Variants in SPTBN1 observed in about 807,000 individuals in gnomAD.
The protein encoded by SPTBN1 is spectrin beta, non-erythrocytic 1.
In SPTBN1, 32 loss-of-function variants were observed where a neutral mutation model predicts 266.4. The observed-to-expected ratio is 0.12, with a 90% CI of 0.09 to 0.16. The LOEUF is 0.16. Among genes scored for constraint, SPTBN1 ranks in the 10% least tolerant of loss-of-function variants. The probability of loss-of-function intolerance (pLI) is 1.00; values close to 1 mark genes in which losing one functional copy is unlikely to be tolerated. For synonymous variants in SPTBN1, 1,336 were observed against 1,162.2 expected, an observed-to-expected ratio of 1.15 and a Z score of -3.04; for missense variants, 2,296 against 3,067.1, an observed-to-expected ratio of 0.75 and a Z score of 5.94.
At position 54,465,867 on chromosome 2, in the gene SPTBN1, A is replaced by C. The variant is rs915160667; in HGVS notation, c.-48+9349A>C. Among the ~76,000 whole-genome samples, 5 of 152,142 alleles carry C rather than the reference A, an allele frequency of 3.3e-5. 2 individuals are homozygous for C. The highest frequency in any genetic ancestry group is 3.3e-4 in the Admixed American group (5 of 15,266). On this transcript the variant is annotated intron_variant, in intron 1 of 35. Coordinates refer to ENST00000356805, the MANE Select transcript of SPTBN1 (RefSeq NM_003128.3). Reference sequence around the variant, plus strand: ...ATAGTACTTTCTATTTTATGGTCCAAGTCTCTAAGTGTGTTGGTACTTTGT... The same window carrying C: ...ATAGTACTTTCTATTTTATGGTCCACGTCTCTAAGTGTGTTGGTACTTTGT...
Position 54,621,503 on chromosome 2 carries a change from A to G in SPTBN1, c.867A>G (p.Arg289=). 6.2e-7 allele frequency: 1 copy of G among 1,613,970 alleles called. No homozygotes were observed. The highest frequency in any genetic ancestry group is 1.1e-5 in the South Asian group (1 of 91,084). The change falls in exon 8 of 36, where the codon CGA becomes CGG. Residue 289 remains arginine, a synonymous_variant. Transcript: ENST00000356805. The part of the protein sequence containing the change: ...KMKALAVEGK[R]IGKVLDNAIE... ...AGGCCTTAGCTGTTGAAGGAAAACG[A>G]ATTGGAAAGGTGAGCTGGTGCCAAT...
intron 4 of SPTBN1, among the ~76,000 whole-genome samples, chr2:54,613,117 C>T (rs1052515773): frequency 2.0e-5 from 3 of 152,200 alleles, no homozygotes; most frequent in Non-Finnish European, 2.9e-5. Context: ...TGCACCACCA[C>T]GAGCCTGATT....
At chr2:54,652,230 G>A (rs1680348583) in intron 26 of SPTBN1, among the ~76,000 whole-genome samples, 1 of 152,092 alleles carries the variant, frequency 6.6e-6, no homozygotes, top group African/African-American at 2.4e-5. Flanking sequence ...GCATGTAAGA[G>A]GAGAAAATTT....
intron 1 of SPTBN1, among the ~76,000 whole-genome samples, chr2:54,519,674 T>A (rs6545424): frequency 0.5 from 75,685 of 152,058 alleles, 21,783 homozygotes; most frequent in African/African-American, 0.81. Flanking sequence ...TTGGGAGCCA[T>A]TTGGTAGATT....
At chr2:54,636,527 C>T (rs750757412) in intron 17 of SPTBN1, among the ~76,000 whole-genome samples, 1 of 152,214 alleles carries the variant, frequency 6.6e-6, no homozygotes, top group Non-Finnish European at 1.5e-5. Context: ...CCGTGTGGTG[C>T]ATGCATCTCT....
chr2:54,571,126 T>G (rs1215837530), intron 2 of SPTBN1, among the ~76,000 whole-genome samples: 1 of 151,798 alleles, frequency 6.6e-6, no homozygotes, highest in African/African-American at 2.4e-5. Flanking sequence ...TGAAGAGTGG[T>G]GGGGGTGGTC....
intron 3 of SPTBN1, among the ~76,000 whole-genome samples, chr2:54,601,494 A>C (rs1676496165): frequency 6.6e-6 from 1 of 152,118 alleles, no homozygotes; most frequent in African/African-American, 2.4e-5. Context: ...GCTTGCCCCA[A>C]AGGTTCCTTG....
At chr2:54,614,198 A>T (rs1268866974) in intron 4 of SPTBN1, among the ~76,000 whole-genome samples, 3 of 152,178 alleles carry the variant, frequency 2.0e-5, no homozygotes, top group Non-Finnish European at 4.4e-5. Context: ...TTATTAAAAC[A>T]TTACCTATTC....
chr2:54,640,276 C>G (rs933750142), intron 18 of SPTBN1, among the ~76,000 whole-genome samples: 1 of 152,066 alleles, frequency 6.6e-6, no homozygotes, highest in African/African-American at 2.4e-5. Context: ...AAATTTAATA[C>G]TATTACAGGA....
chr2:54,557,720 C>A (rs1573406871), intron 2 of SPTBN1: 3 of 985,388 alleles, frequency 3.0e-6, no homozygotes, highest in Non-Finnish European at 3.6e-6. Context: ...CATAAATCTT[C>A]CTTGCGTCGA....
chr2:54,550,142 T>G (rs1413845090), intron 2 of SPTBN1, among the ~76,000 whole-genome samples: 2 of 152,196 alleles, frequency 1.3e-5, no homozygotes, highest in Non-Finnish European at 2.9e-5. Flanking sequence ...TGTTTTATGG[T>G]GTCTGTAAAG....
At chr2:54,580,315 T>A (rs3796017) in intron 2 of SPTBN1, among the ~76,000 whole-genome samples, 51,645 of 152,086 alleles carry the variant, frequency 0.34, 11,267 homozygotes, top group African/African-American at 0.63. Context: ...AGAACTAACA[T>A]ATGTAGAACT....
Position 54,554,306 on chromosome 2 carries a change from G to T in SPTBN1, c.148+27740G>T, listed in dbSNP as rs1253780835. On this transcript the variant is annotated intron_variant, in intron 2 of 35. Transcript: ENST00000356805. This position sits in a 1 kb window ranked among gnomAD's most constrained non-coding sequence, Gnocchi z 4.5. ...CATGTGTTGGTTGTGCCACTCACCA[G>T]CTGGGGCCCTGGGCAAGGCACTGTA... 6.6e-6 allele frequency among the ~76,000 whole-genome samples: 1 copy of T among 152,236 alleles called. No individual in the cohort carries two copies. The highest frequency in any genetic ancestry group is 1.5e-5 in the Non-Finnish European group (1 of 68,044).
chr2:54,566,332 C>T (rs146276590), intron 2 of SPTBN1, among the ~76,000 whole-genome samples: 5,491 of 151,642 alleles, frequency 0.036, 322 homozygotes, highest in African/African-American at 0.12. Context: ...GGATTATAGG[C>T]GCCCACCACC....
At chr2:54,517,750 A>C (rs1386004459) in intron 1 of SPTBN1, among the ~76,000 whole-genome samples, 1 of 151,830 alleles carries the variant, frequency 6.6e-6, no homozygotes. Flanking sequence ...GGTTCAAGCA[A>C]TTCTGCTGTC....
At chr2:54,478,253 T>G (rs1030769372) in intron 1 of SPTBN1, among the ~76,000 whole-genome samples, 4 of 152,032 alleles carry the variant, frequency 2.6e-5, no homozygotes, top group Admixed American at 1.3e-4. Flanking sequence ...AGAACGCTCG[T>G]GTTTCATGCC....
In SPTBN1 at chr2:54,629,750, C is replaced by T. The variant is rs778526430; in HGVS notation, c.2616C>T (p.Leu872=). The T allele has an allele frequency of 6.2e-7, 1 of 1,611,272 alleles. No homozygotes were observed. Among genetic ancestry groups the T allele is most frequent in the East Asian group, 2.2e-5 (1 of 44,882 alleles). The stretch of plus-strand genomic sequence containing the variant: ...GGATCGACGAGAAGGAGCAGTGGCT[C>T]AACAACATGCAGATCCCAGAGAAGC... ...ELWIDEKEQW[L]NNMQIPEKLE... The change falls in exon 14 of 36, where the codon CTC becomes CTT. Residue 872 remains leucine (L), a synonymous_variant. Coordinates refer to ENST00000356805, the MANE Select transcript of SPTBN1 (RefSeq NM_003128.3).
rs141428263 is a variant in SPTBN1 at position 54,500,093 on chromosome 2, G to A, written c.-47-26279G>A. Reference sequence around the variant, plus strand: ...CTGTGATCTGTAATCTACTAAAAGTGAGAGAATGAACAAATGTTTTAGGCG... The same window carrying A: ...CTGTGATCTGTAATCTACTAAAAGTAAGAGAATGAACAAATGTTTTAGGCG... On this transcript the variant is annotated intron_variant, in intron 1 of 35. Transcript: ENST00000356805. Among the ~76,000 whole-genome samples the A allele has an allele frequency of 2.5e-3, 375 of 152,312 alleles. 2 individuals carry two copies. Among genetic ancestry groups the A allele is most frequent in the African/African-American group, 8.5e-3 (354 of 41,554 alleles).
intron 2 of SPTBN1, among the ~76,000 whole-genome samples, chr2:54,581,820 G>A (rs1268171262): frequency 2.0e-5 from 3 of 152,016 alleles, no homozygotes; most frequent in East Asian, 1.9e-4. Context: ...ATAAAAAGAG[G>A]AAGCTCCGCT....
Sources: allele counts gnomAD v4.1 joint callset (sites outside exome capture counted in the v4.1 genomes callset), GRCh38; gene constraint gnomAD v4.1.1; non-coding constraint Gnocchi (gnomAD v3.1); transcripts MANE v1.5; gene names NCBI Gene and HGNC (gene_info 2026-07-23, HGNC 2026-07-21).